Variants in TRMT11 observed in about 807,000 individuals in gnomAD.
TRMT11 encodes tRNA (guanine(10)-N(2))-methyltransferase TRMT11.
TRMT11 carries 53 observed loss-of-function variants against 62.8 expected under a neutral mutation model. That is an observed-to-expected ratio of 0.84 (90% CI 0.68 to 1.06). The LOEUF (loss-of-function observed/expected upper bound fraction) is 1.06. Ranked by LOEUF, TRMT11 falls within the 50% of genes least tolerant of loss-of-function variation. The pLI is 0.00. For missense variants in TRMT11, 556 were observed against 553.4 expected, an observed-to-expected ratio of 1.00 and a Z score of -0.05; for synonymous variants, 188 against 190.3, an observed-to-expected ratio of 0.99 and a Z score of 0.10.
chr6:126,220,990 C>G, the TRMT11 span, among the ~76,000 whole-genome samples: 3 of 152,272 alleles, frequency 2.0e-5, no homozygotes, highest in East Asian at 5.8e-4. Context: ...TTAGCTCCCA[C>G]TTATTGGTGA....
At chr6:126,089,429 A>G (rs1233105116) in intron 17 of TRMT11, among the ~76,000 whole-genome samples, 1 of 152,064 alleles carries the variant, frequency 6.6e-6, no homozygotes, top group African/African-American at 2.4e-5. Context: ...AATGTTATTT[A>G]ATTATCAGAC....
At chr6:126,112,739 A>T (rs1777546138) in intron 17 of TRMT11, among the ~76,000 whole-genome samples, 1 of 152,062 alleles carries the variant, frequency 6.6e-6, no homozygotes, top group South Asian at 2.1e-4. Context: ...CATTTCTACC[A>T]CAAATCCCCT....
chr6:125,988,933 C>G (rs1790125303), intron 1 of TRMT11, among the ~76,000 whole-genome samples: 1 of 152,018 alleles, frequency 6.6e-6, no homozygotes, highest in Non-Finnish European at 1.5e-5. Flanking sequence ...AGGACATGTT[C>G]TGTTGGTGAA....
chr6:126,106,763 C>G (rs953735890), intron 17 of TRMT11, among the ~76,000 whole-genome samples: 2 of 151,884 alleles, frequency 1.3e-5, no homozygotes, highest in African/African-American at 4.8e-5. Flanking sequence ...GAGCTTAGCC[C>G]AGGGCTGGCA....
the TRMT11 span, among the ~76,000 whole-genome samples, chr6:126,250,805 C>T: frequency 6.6e-6 from 1 of 152,068 alleles, no homozygotes; most frequent in East Asian, 1.9e-4. Flanking sequence ...TATCAGTGGG[C>T]TTTTTTTCAT....
chr6:126,128,168 G>C (rs1777739572), intron 21 of TRMT11, among the ~76,000 whole-genome samples: 1 of 152,100 alleles, frequency 6.6e-6, no homozygotes, highest in African/African-American at 2.4e-5. Context: ...TGGAATACAT[G>C]TGGCTGCTTT....
intron 17 of TRMT11, among the ~76,000 whole-genome samples, chr6:126,058,064 G>A (rs762310858): frequency 5.3e-5 from 8 of 151,734 alleles, no homozygotes; most frequent in African/African-American, 1.7e-4. Flanking sequence ...CCATCAGCCC[G>A]ACACTACATT....
At chr6:126,168,827 A>G (rs1002448984) in intron 21 of TRMT11, among the ~76,000 whole-genome samples, 2 of 152,158 alleles carry the variant, frequency 1.3e-5, no homozygotes, top group African/African-American at 4.8e-5. Context: ...ATGAAAAGAA[A>G]TGTTATAAAA....
At chr6:126,250,565 T>G in the TRMT11 span, among the ~76,000 whole-genome samples, 2 of 152,158 alleles carry the variant, frequency 1.3e-5, no homozygotes, top group East Asian at 3.8e-4. Context: ...TCCTTTTCAT[T>G]TTGGATGAGG....
chr6:126,072,064 C>T (rs1357636969), intron 17 of TRMT11, among the ~76,000 whole-genome samples: 1 of 152,136 alleles, frequency 6.6e-6, no homozygotes, highest in African/African-American at 2.4e-5. Context: ...GCTCTGTCTC[C>T]TTGAATCACT....
At chr6:126,166,491 G>A (rs985257717) in intron 21 of TRMT11, among the ~76,000 whole-genome samples, 3 of 152,172 alleles carry the variant, frequency 2.0e-5, no homozygotes, top group African/African-American at 7.2e-5. Flanking sequence ...ATTGCTGCCT[G>A]TTCCTTCCTC....
At chr6:126,040,993 C>A (rs904706098), downstream of TRMT11, among the ~76,000 whole-genome samples, 1 of 152,030 alleles carries the variant, frequency 6.6e-6, no homozygotes, top group Non-Finnish European at 1.5e-5. Context: ...CAGCTTTGGG[C>A]CAGCTTGCCA....
At chr6:126,120,724 A>G (rs981129888) in intron 21 of TRMT11, among the ~76,000 whole-genome samples, 1 of 152,174 alleles carries the variant, frequency 6.6e-6, no homozygotes, top group African/African-American at 2.4e-5. Flanking sequence ...GATGGAGGTT[A>G]GCATCAAGAA....
At chr6:126,083,917 A>G (rs188650038) in intron 17 of TRMT11, among the ~76,000 whole-genome samples, 4 of 152,294 alleles carry the variant, frequency 2.6e-5, no homozygotes, top group African/African-American at 7.2e-5. Context: ...GCAAATGGCA[A>G]GATCTCATTC....
chr6:126,051,315 G>T (rs1016341352), intron 16 of TRMT11, among the ~76,000 whole-genome samples: 16 of 152,160 alleles, frequency 1.1e-4, no homozygotes, highest in Non-Finnish European at 2.1e-4. Context: ...CATAGCAAAG[G>T]AATAGAGAGC....
At chr6:126,254,702 C>A in the TRMT11 span, among the ~76,000 whole-genome samples, 1 of 152,122 alleles carries the variant, frequency 6.6e-6, no homozygotes, top group Non-Finnish European at 1.5e-5. Flanking sequence ...TGGTGTCATG[C>A]TGGCTTTTAT....
At chr6:126,135,778 A>G (rs1462591926) in intron 21 of TRMT11, among the ~76,000 whole-genome samples, 3 of 151,952 alleles carry the variant, frequency 2.0e-5, no homozygotes, top group Admixed American at 6.6e-5. Context: ...CGTTAAAAAA[A>G]TCATTCTCAA....
At chr6:126,183,204 A>G (rs1395276102) in intron 1 of TRMT11, among the ~76,000 whole-genome samples, 1 of 152,198 alleles carries the variant, frequency 6.6e-6, no homozygotes, top group Admixed American at 6.5e-5. Flanking sequence ...CAAGCACATT[A>G]GTTCTTGTGG....
At chr6:126,237,065 TAGAGAG>T in the TRMT11 span, among the ~76,000 whole-genome samples, 3,495 of 142,540 alleles carry the variant, frequency 0.025, 137 homozygotes, top group African/African-American at 0.083. Flanking sequence ...CTCCTAGAGA[TAGAGAG>T]AGAGAGAGAG....
Sources: allele counts gnomAD v4.1 joint callset (sites outside exome capture counted in the v4.1 genomes callset), GRCh38; gene constraint gnomAD v4.1.1; transcripts MANE v1.5; gene names NCBI Gene and HGNC (gene_info 2026-07-23, HGNC 2026-07-21).